PFKFB3: variants seen among roughly 807,000 people sequenced by gnomAD.
The protein encoded by PFKFB3 is 6-phosphofructo-2-kinase/fructose-2,6-bisphosphatase 3.
PFKFB3 carries 33 observed loss-of-function variants against 68.0 expected under a neutral mutation model. The observed-to-expected ratio is 0.49, with a 90% CI of 0.37 to 0.65. The LOEUF is 0.65. Among genes scored for constraint, PFKFB3 ranks in the 30% least tolerant of loss-of-function variants. The pLI is 0.00. For synonymous variants in PFKFB3, 315 were observed against 288.2 expected, an observed-to-expected ratio of 1.09 and a Z score of -0.94; for missense variants, 586 against 712.2, an observed-to-expected ratio of 0.82 and a Z score of 2.02.
At chr10:6,147,858 C>G (rs1159593936) in intron 1 of PFKFB3, among the ~76,000 whole-genome samples, 1 of 152,084 alleles carries the variant, frequency 6.6e-6, no homozygotes, top group Non-Finnish European at 1.5e-5. Flanking sequence ...GTGGTCCATA[C>G]AGGGGAGTCT....
intron 1 of PFKFB3, among the ~76,000 whole-genome samples, chr10:6,207,284 G>A (rs531967583): frequency 2.9e-4 from 44 of 152,314 alleles, no homozygotes; most frequent in African/African-American, 9.1e-4. Context: ...AAAAAAATAC[G>A]AAAACCAGTC....
intron 1 of PFKFB3, among the ~76,000 whole-genome samples, chr10:6,210,353 TTTGTTTTTTTG>T (rs1564623219): frequency 3.0e-4 from 4 of 13,158 alleles, no homozygotes; most frequent in African/African-American, 3.6e-4. Context: ...TTTGTTTTTT[TTTGTTTTTTTG>T]TTTTTTTTTT....
At chr10:6,206,567 TG>T (rs1368023231) in intron 1 of PFKFB3, among the ~76,000 whole-genome samples, 3 of 56,762 alleles carry the variant, frequency 5.3e-5, no homozygotes, top group Non-Finnish European at 3.4e-5. Flanking sequence ...ACGGGGCGGC[TG>T]GCCGGGCAGG....
Position 6,215,651 on chromosome 10 carries a change from C to G in PFKFB3, c.299+334C>G, listed in dbSNP as rs1844527342. On this transcript the variant is annotated intron_variant, in intron 3 of 14. Transcript: ENST00000379775. The surrounding 1 kb of genome is among the most constrained non-coding windows in gnomAD (Gnocchi z 4.3). ...TCACTGGGACAGAGCCGCAGAAGCA[C>G]CCTCACTGAGAATTAGCAAGTCCTG... Among the ~76,000 whole-genome samples, 1 of 152,164 alleles carries G rather than the reference C, an allele frequency of 6.6e-6. No homozygotes were observed. Among genetic ancestry groups the G allele is most frequent in the Admixed American group, 6.5e-5 (1 of 15,280 alleles).
intron 11 of PFKFB3, 92 bp downstream of exon 11, chr10:6,223,076 G>C (rs1845081673): frequency 7.3e-7 from 1 of 1,365,910 alleles, no homozygotes; most frequent in South Asian, 1.4e-5. Context: ...GGCCTGCCCT[G>C]TGTTGGCTGC....
chr10:6,173,065 A>G (rs996091258), intron 1 of PFKFB3, among the ~76,000 whole-genome samples: 11 of 151,990 alleles, frequency 7.2e-5, no homozygotes, highest in African/African-American at 2.7e-4. Flanking sequence ...ATGTCCTTCA[A>G]CCTGGGACGT....
chr10:6,230,169 G>A (rs1421673053), intron 14 of PFKFB3, among the ~76,000 whole-genome samples: 1 of 152,158 alleles, frequency 6.6e-6, no homozygotes, highest in Non-Finnish European at 1.5e-5. Flanking sequence ...CTCCTGTTCA[G>A]CAAAAATACA....
rs1047139009 is a variant in PFKFB3, at chr10:6,177,438, C to T, written c.16+32425C>T. Among the ~76,000 whole-genome samples the T allele has an allele frequency of 1.6e-4, 14 of 86,718 alleles. 1 individual carries two copies. Among genetic ancestry groups the T allele is most frequent in the African/African-American group, 3.8e-4 (9 of 23,944 alleles). 56.9% of individuals were successfully genotyped at this position (86,718 alleles called of 152,430 possible). ...TTCTCTTTCTTCCTTTCTTTTCTTT[C>T]TCTTTCTTTCTTTCTTTCTTTCTTT... On this transcript the variant is annotated intron_variant, in intron 1 of 14. Transcript: ENST00000379789.
chr10:6,235,754 A>G (rs931219705), downstream of PFKFB3, among the ~76,000 whole-genome samples: 13 of 143,882 alleles, frequency 9.0e-5, no homozygotes, highest in African/African-American at 3.3e-4. Context: ...TTTTAATTTA[A>G]TTTTTTTCTT....
downstream of PFKFB3, among the ~76,000 whole-genome samples, chr10:6,239,624 C>T (rs1261686523): frequency 6.6e-6 from 1 of 152,220 alleles, no homozygotes; most frequent in Admixed American, 6.5e-5. Flanking sequence ...CTCCCTACCT[C>T]TTCCAGACAG....
chr10:6,185,639 C>CTTT (rs59230234), intron 1 of PFKFB3, among the ~76,000 whole-genome samples: 72,469 of 120,116 alleles, frequency 0.6, 22,373 homozygotes, highest in Middle Eastern at 0.69. Flanking sequence ...CTCCCCGCTC[C>CTTT]TTTTTTTTTT....
At chr10:6,302,391 T>G in the PFKFB3 span, among the ~76,000 whole-genome samples, 8 of 95,706 alleles carry the variant, frequency 8.4e-5, 1 homozygote, top group Admixed American at 9.3e-4. Context: ...TTTTTTTTTT[T>G]TTTTTTTTGA....
chr10:6,310,564 G>A, the PFKFB3 span, among the ~76,000 whole-genome samples: 4 of 152,190 alleles, frequency 2.6e-5, no homozygotes, highest in African/African-American at 9.7e-5. Flanking sequence ...CCATATTGCA[G>A]GATAGATTTC....
chr10:6,326,012 A>G, the PFKFB3 span, among the ~76,000 whole-genome samples: 2,574 of 152,338 alleles, frequency 0.017, 70 homozygotes, highest in African/African-American at 0.059. Flanking sequence ...TGTTAATTAT[A>G]ATAAAAACAT....
chr10:6,209,059 C>T (rs906603097), intron 1 of PFKFB3, among the ~76,000 whole-genome samples: 1 of 152,218 alleles, frequency 6.6e-6, no homozygotes, highest in African/African-American at 2.4e-5. Flanking sequence ...CTCACGGGTA[C>T]CCAGTGCATG....
At chr10:6,317,279 C>T in the PFKFB3 span, among the ~76,000 whole-genome samples, 24 of 152,312 alleles carry the variant, frequency 1.6e-4, no homozygotes, top group Non-Finnish European at 1.9e-4. Context: ...ATGCATCTCC[C>T]TGGGTGGCAG....
chr10:6,243,292 A>T (rs1846182214), intron 14 of PFKFB3, among the ~76,000 whole-genome samples: 1 of 152,242 alleles, frequency 6.6e-6, no homozygotes, highest in Non-Finnish European at 1.5e-5. Flanking sequence ...GGGACAACAT[A>T]TTGAGAATAT....
At chr10:6,153,500 C>T (rs968694168) in intron 1 of PFKFB3, among the ~76,000 whole-genome samples, 2 of 152,200 alleles carry the variant, frequency 1.3e-5, no homozygotes, top group African/African-American at 4.8e-5. Flanking sequence ...GGTTGGTGAG[C>T]AGGTGAACGC....
chr10:6,315,485 T>C, the PFKFB3 span, among the ~76,000 whole-genome samples: 1 of 152,164 alleles, frequency 6.6e-6, no homozygotes, highest in Admixed American at 6.5e-5. Flanking sequence ...GAGTATTTTC[T>C]TTTTTTCTTT....
Sources: gnomAD v4.1 joint callset for allele counts (sites outside exome capture counted in the v4.1 genomes callset) on GRCh38, gnomAD v4.1.1 for gene constraint, Gnocchi (gnomAD v3.1) non-coding constraint, MANE v1.5 for transcripts, NCBI Gene and HGNC (gene_info 2026-07-23, HGNC 2026-07-21) for gene names.